SYVN1: variants seen among roughly 807,000 people sequenced by gnomAD.
SYVN1 encodes synoviolin 1, also known as E3 ubiquitin-protein ligase synoviolin.
In SYVN1, 17 loss-of-function variants were observed where a neutral mutation model predicts 62.6. The observed-to-expected ratio is 0.27, with a 90% CI of 0.19 to 0.41. SYVN1 has a LOEUF of 0.41. Ranked by LOEUF, SYVN1 falls within the 10% of genes least tolerant of loss-of-function variation. The probability of loss-of-function intolerance (pLI) is 1.00; values close to 1 mark genes in which losing one functional copy is unlikely to be tolerated. For missense variants in SYVN1, 634 were observed against 818.0 expected (o/e 0.78, Z 2.74); for synonymous variants, 316 against 304.0 (o/e 1.04, Z -0.41).
At chr11:65,128,800 C>G in intron 14 of SYVN1, 86 bp from the exon 15 acceptor site, 2 of 1,393,442 alleles carry the variant, frequency 1.4e-6, no homozygotes, top group Non-Finnish European at 1.9e-6. Context: ...CCTTGCAGAA[C>G]AGAGTATAGA....
intron 14 of SYVN1, chr11:65,129,028 G>A (rs1426428819): frequency 9.8e-6 from 3 of 307,124 alleles, no homozygotes; most frequent in South Asian, 1.2e-4. Context: ...CACAGTGCTC[G>A]AGCCTTGGAC....
At position 65,128,127 on chromosome 11, in the gene SYVN1, G is replaced by A. The variant is rs1948125054; in HGVS notation, c.*255C>T. On this transcript the variant is annotated 3_prime_UTR_variant, in exon 16 of 16. Coordinates refer to ENST00000377190, the MANE Select transcript of SYVN1 (RefSeq NM_172230.3). ...AGAGGCTAAACCTTCTGCCTTCATG[G>A]CCCCAGCAGAACACAGGGCTGAAGA... is the stretch of plus-strand genomic sequence containing the variant. The A allele has an allele frequency of 1.7e-6, 1 of 578,672 alleles. No individual in the cohort carries two copies. Among genetic ancestry groups the A allele is most frequent in the Admixed American group, 3.1e-5 (1 of 32,100 alleles). 35.8% of individuals were successfully genotyped at this position (578,672 alleles called of 1,614,324 possible).
intron 6 of SYVN1, 56 bp downstream of exon 6, chr11:65,132,192 A>G (rs771252764): frequency 1.8e-4 from 246 of 1,374,814 alleles, no homozygotes; most frequent in Non-Finnish European, 2.3e-4. Context: ...GGGTTATTCA[A>G]GGCACATGTG....
At position 65,130,013 on chromosome 11, in the gene SYVN1, G is replaced by C; in HGVS notation, c.1397C>G (p.Pro466Arg). The C allele has an allele frequency of 6.3e-7, 1 of 1,596,540 alleles. No individual in the cohort carries two copies. Among genetic ancestry groups the C allele is most frequent in the Non-Finnish European group, 8.6e-7 (1 of 1,168,912 alleles). ...GTGGCCCAGCTTACCAAAGGGTGGA[G>C]GCAGGGGCATACCCATCCAGGGAGG... ...FPPPWMGMPL[P>R]PPFAFPPMPV... The change falls in exon 13 of 16, where the codon CCT (proline) becomes CGT (arginine). Residue 466 changes from proline to arginine, a missense_variant. By Grantham distance (103) the Pro-to-Arg change is moderately radical. Coordinates refer to ENST00000377190, the MANE Select transcript of SYVN1 (RefSeq NM_172230.3).
intron 4 of SYVN1, 34 bp from the exon 5 acceptor site, chr11:65,132,814 G>A (rs377441414): frequency 6.2e-6 from 10 of 1,613,754 alleles, no homozygotes; most frequent in Non-Finnish European, 8.5e-6. Context: ...CTGTCAGGAG[G>A]CCTGGGGCTC....
rs2137234109 is a variant in SYVN1 at position 65,128,357 on chromosome 11, A to G, written c.*25T>C. 6.3e-7 allele frequency: 1 copy of G among 1,589,260 alleles called. No homozygotes were observed. Among genetic ancestry groups the G allele is most frequent in the Non-Finnish European group, 8.6e-7 (1 of 1,162,964 alleles). ...CAGCGAGGGCTGCTCAAAAGAGCAG[A>G]GGCTGGGGCTGGGCTGGGGCAGTGT... On this transcript the variant is annotated 3_prime_UTR_variant, in exon 16 of 16. Transcript: ENST00000377190.
chr11:65,130,749 G>A lies in SYVN1; in HGVS notation c.1016C>T (p.Pro339Leu), dbSNP rs1948168117. The A allele has an allele frequency of 6.5e-7, 1 of 1,535,468 alleles. No homozygotes were observed. The highest frequency in any genetic ancestry group is 8.7e-7 in the Non-Finnish European group (1 of 1,145,694). The change falls in exon 11 of 16, where the codon CCA becomes CTA. Residue 339 changes from proline (P) to leucine (L), a missense_variant. Transcript: ENST00000377190. ...CRMDVLRASL[P>L]AQSPPPPEPA... ...CTCCGGGGGTGGTGGTGACTGCGCT[G>A]GCAGCGATGCACGAAGGACATCCAT...
At position 65,130,706 on chromosome 11, in the gene SYVN1, T is replaced by C. The variant is rs540944754; in HGVS notation, c.1059A>G (p.Pro353=). Residue 353 remains proline, a synonymous_variant, in exon 11 of 16, where the codon CCA becomes CCG. Coordinates refer to ENST00000377190, the MANE Select transcript of SYVN1 (RefSeq NM_172230.3). The part of the protein sequence containing the change: ...PPPPEPADQG[P]PPAPHPPPLL... ...GTGGTGGGGGGTGGGGGGCAGGGGG[T>C]GGCCCCTGATCCGCAGGCTCCGGGG... is the stretch of plus-strand genomic sequence containing the variant. 9 of 1,188,476 alleles carry C rather than the reference T, an allele frequency of 7.6e-6. No individual in the cohort carries two copies. In the African/African-American group the frequency reaches 1.1e-4, roughly 14 times the overall value. The allele number at this position is 1,188,476 out of a possible 1,614,324, so 73.6% of individuals were successfully genotyped here. A position where few individuals can be genotyped will look rare whatever the true frequency, so the allele number is the denominator to read the frequency against.
intron 11 of SYVN1, 51 bp downstream of exon 11, chr11:65,130,609 C>G: frequency 6.7e-7 from 1 of 1,489,238 alleles, no homozygotes; most frequent in Non-Finnish European, 8.9e-7. Flanking sequence ...ACATCCAGCC[C>G]AGGGCAAGTA....
Position 65,132,612 on chromosome 11 carries a change from T to C in SYVN1, c.427+120A>G, listed in dbSNP as rs537004875. ...CTAGAGTGGAACAGCACAGAGACTA[T>C]GCAAATTAACTTCCTAAATTATCTT... is the stretch of plus-strand genomic sequence containing the variant. On this transcript the variant is annotated intron_variant, in intron 5 of 15. Coordinates refer to ENST00000377190, the MANE Select transcript of SYVN1 (RefSeq NM_172230.3). 8.5e-5 allele frequency: 105 copies of C among 1,232,736 alleles called. No individual in the cohort carries two copies. In the Middle Eastern group the frequency reaches 1.3e-3, roughly 15 times the overall value. 76.4% of individuals were successfully genotyped at this position (1,232,736 alleles called of 1,614,324 possible).
rs1033190370 is a variant in SYVN1, at chr11:65,130,477, C to T, written c.1106-98G>A. 44 of 1,427,906 alleles carry T rather than the reference C, an allele frequency of 3.1e-5. No individual in the cohort carries two copies. In the South Asian group the frequency reaches 5.7e-4, roughly 18 times the overall value. 88.5% of individuals were successfully genotyped at this position (1,427,906 alleles called of 1,614,324 possible). ...TATTGAGAGCTCTGTCCTATTCCCACAGGCCCTCAGCCCAGCACTGGTCAC... is the reference window on the plus strand; with the variant it reads ...TATTGAGAGCTCTGTCCTATTCCCATAGGCCCTCAGCCCAGCACTGGTCAC... On this transcript the variant is annotated intron_variant, in intron 11 of 15. Transcript: ENST00000377190.
rs1210548142 is a variant in SYVN1 at position 65,128,260 on chromosome 11, T to G, written c.*122A>C. ...ACTTGGCCTAGGGGATGCCGCCTCTTTCTCAGAGCTGGGGGTACTACTCCC... is the reference window on the plus strand; with the variant it reads ...ACTTGGCCTAGGGGATGCCGCCTCTGTCTCAGAGCTGGGGGTACTACTCCC... On this transcript the variant is annotated 3_prime_UTR_variant, in exon 16 of 16. Coordinates refer to ENST00000377190, the MANE Select transcript of SYVN1 (RefSeq NM_172230.3). 3 of 822,168 alleles carry G rather than the reference T, an allele frequency of 3.6e-6. No homozygotes were observed. Among genetic ancestry groups the G allele is most frequent in the African/African-American group, 1.7e-5 (1 of 58,420 alleles). 50.9% of individuals were successfully genotyped at this position (822,168 alleles called of 1,614,324 possible). A position where few individuals can be genotyped will look rare whatever the true frequency, so the allele number is the denominator to read the frequency against.
At chr11:65,132,415 C>T in intron 5 of SYVN1, 64 bp from the exon 6 acceptor site, 3 of 1,158,442 alleles carry the variant, frequency 2.6e-6, no homozygotes. Flanking sequence ...CTGTTTAATG[C>T]TCTAGGACAG....
chr11:65,130,900 C>A lies in SYVN1; in HGVS notation c.941+20G>T. ...TGGGGCCTGTGCCCTGCTGTGCAGG[C>A]TCCCCAGGGCCCCTCCCACCTGGTA... On this transcript the variant is annotated intron_variant, in intron 10 of 15. Transcript: ENST00000377190. 1 of 1,613,362 alleles carries A rather than the reference C, an allele frequency of 6.2e-7. No homozygotes were observed. Among genetic ancestry groups the A allele is most frequent in the Non-Finnish European group, 8.5e-7 (1 of 1,179,960 alleles).
At chr11:65,132,584 G>A in intron 5 of SYVN1, 148 bp downstream of exon 5, 1 of 1,026,604 alleles carries the variant, frequency 9.7e-7, no homozygotes, top group Non-Finnish European at 1.5e-6. Flanking sequence ...CAGTTGAGAA[G>A]CCCTAGAGTG....
At position 65,127,321 on chromosome 11, in the gene SYVN1, C is replaced by T. The variant is rs768237803; in HGVS notation, c.*1061G>A. On this transcript the variant is annotated 3_prime_UTR_variant, in exon 16 of 16. Transcript: ENST00000377190. Reference sequence around the variant, plus strand: ...TATTTGGCTGTATATACAATTTAAGCTATTAAAATTTGTACAATATTTACA... The same window carrying T: ...TATTTGGCTGTATATACAATTTAAGTTATTAAAATTTGTACAATATTTACA... The T allele has an allele frequency of 1.1e-4, 47 of 409,692 alleles. No homozygotes were observed. Among genetic ancestry groups the T allele is most frequent in the Non-Finnish European group, 1.8e-4 (42 of 230,824 alleles). The allele number at this position is 409,692 out of a possible 1,614,324, so 25.4% of individuals were successfully genotyped here. A position where few individuals can be genotyped will look rare whatever the true frequency, so the allele number is the denominator to read the frequency against.
At chr11:65,128,539 C>T (rs761103480) in intron 15 of SYVN1, 24 bp downstream of exon 15, 15 of 1,613,128 alleles carry the variant, frequency 9.3e-6, no homozygotes, top group African/African-American at 2.7e-5. Context: ...CCTGCTCCCC[C>T]GGCTGGAGGC....
chr11:65,131,207 C>T lies in SYVN1; in HGVS notation c.759-10G>A. ...AGCTTTCTTGAACTGTCTGAAAGGA[C>T]AGTCAGTGAAAGCAGGAGAAGGGAC... On this transcript the variant is annotated splice_polypyrimidine_tract_variant and intron_variant, in intron 8 of 15. Coordinates refer to ENST00000377190, the MANE Select transcript of SYVN1 (RefSeq NM_172230.3). 6.2e-7 allele frequency: 1 copy of T among 1,614,098 alleles called. No individual in the cohort carries two copies. Among genetic ancestry groups the T allele is most frequent in the Non-Finnish European group, 8.5e-7 (1 of 1,179,980 alleles).
At position 65,128,357 on chromosome 11, in the gene SYVN1, A is replaced by AGGCTGGGGCTG. The variant is rs773847472; in HGVS notation, c.*14_*24dup. The AGGCTGGGGCTG allele has an allele frequency of 6.3e-7, 1 of 1,589,110 alleles. No homozygotes were observed. Among genetic ancestry groups the AGGCTGGGGCTG allele is most frequent in the Non-Finnish European group, 8.6e-7 (1 of 1,162,944 alleles). On this transcript the variant is annotated 3_prime_UTR_variant, in exon 16 of 16. Coordinates refer to ENST00000377190, the MANE Select transcript of SYVN1 (RefSeq NM_172230.3). ...CAGCGAGGGCTGCTCAAAAGAGCAG[A>AGGCTGGGGCTG]GGCTGGGGCTGGGCTGGGGCAGTGT... is the stretch of plus-strand genomic sequence containing the variant.
Sources: gnomAD v4.1 joint callset for allele counts on GRCh38, gnomAD v4.1.1 for gene constraint, MANE v1.5 for transcripts, NCBI Gene and HGNC (gene_info 2026-07-23, HGNC 2026-07-21) for gene names.